The following MIPOL1 variants were observed in gnomAD, a reference collection of about 807,000 sequenced individuals.
MIPOL1 encodes the protein mirror-image polydactyly gene 1 protein.
A neutral mutation model predicts 60.9 loss-of-function variants in MIPOL1; 57 were observed. The observed-to-expected ratio is 0.94, with a 90% CI of 0.76 to 1.17. The LOEUF (loss-of-function observed/expected upper bound fraction) is 1.17. Ranked by LOEUF, MIPOL1 falls within the 50% of genes most tolerant of loss-of-function variation. The pLI is 0.00. For missense variants in MIPOL1, 551 were observed against 511.6 expected (o/e 1.08, Z -0.74); for synonymous variants, 179 against 168.8 (o/e 1.06, Z -0.47).
rs767398779 is a variant in MIPOL1, at chr14:37,267,179, C to T, written c.251+10C>T. On this transcript the variant is annotated intron_variant, in intron 4 of 12. Coordinates refer to ENST00000684589, the MANE Select transcript of MIPOL1 (RefSeq NM_001388067.1). ...CTACTGAAAAATACAAGTAAGTGCT[C>T]ACAGCCTTAGATTTAGAAGGAATTG... The T allele has an allele frequency of 1.3e-6, 2 of 1,592,112 alleles. No individual in the cohort carries two copies. The highest frequency in any genetic ancestry group is 1.1e-5 in the South Asian group (1 of 90,418).
intron 9 of MIPOL1, among the ~76,000 whole-genome samples, chr14:37,344,908 TG>T (rs1206057018): frequency 1.3e-5 from 2 of 151,216 alleles, no homozygotes; most frequent in African/African-American, 2.4e-5. Flanking sequence ...TGTGCTCCTG[TG>T]GTCCTAGCTA....
intron 11 of MIPOL1, among the ~76,000 whole-genome samples, chr14:37,442,522 T>C (rs28506888): frequency 1.3e-5 from 2 of 152,116 alleles, no homozygotes; most frequent in Non-Finnish European, 2.9e-5. Context: ...AGATGGCTCT[T>C]ATTATCTTGA....
At chr14:37,450,328 A>G (rs1282548556) in intron 11 of MIPOL1, among the ~76,000 whole-genome samples, 1 of 152,132 alleles carries the variant, frequency 6.6e-6, no homozygotes, top group East Asian at 1.9e-4. Flanking sequence ...CAGATTCTGT[A>G]TCTTCTATCT....
intron 10 of MIPOL1, among the ~76,000 whole-genome samples, chr14:37,384,021 G>T (rs924978219): frequency 1.3e-5 from 2 of 151,796 alleles, no homozygotes; most frequent in African/African-American, 4.8e-5. Context: ...ACAAAAGCAA[G>T]GAAATTAACT....
chr14:37,405,802 A>C (rs2153534201), intron 10 of MIPOL1, among the ~76,000 whole-genome samples: 1 of 152,048 alleles, frequency 6.6e-6, no homozygotes, highest in Admixed American at 6.5e-5. Flanking sequence ...GCTAGATATG[A>C]ATTAATGTGT....
intron 9 of MIPOL1, among the ~76,000 whole-genome samples, chr14:37,357,583 G>T (rs2091933500): frequency 6.6e-6 from 1 of 151,920 alleles, no homozygotes; most frequent in African/African-American, 2.4e-5. Flanking sequence ...TCAATTATTT[G>T]GTCTTTTTAA....
chr14:37,464,589 T>G (rs2094576814), intron 11 of MIPOL1, among the ~76,000 whole-genome samples: 1 of 151,944 alleles, frequency 6.6e-6, no homozygotes, highest in South Asian at 2.1e-4. Flanking sequence ...CAAAGTGGGG[T>G]AGGAGGAAGA....
intron 9 of MIPOL1, among the ~76,000 whole-genome samples, chr14:37,309,740 G>A (rs1233256573): frequency 6.6e-6 from 1 of 150,654 alleles, no homozygotes; most frequent in African/African-American, 2.4e-5. Flanking sequence ...AGGCTGGAGT[G>A]CAGTAGTGTG....
chr14:37,509,460 C>A (rs954156635), intron 12 of MIPOL1, among the ~76,000 whole-genome samples: 13 of 151,874 alleles, frequency 8.6e-5, no homozygotes, highest in Admixed American at 6.6e-4. Flanking sequence ...CATACTTCCC[C>A]CAAACTCAGC....
intron 12 of MIPOL1, among the ~76,000 whole-genome samples, chr14:37,510,786 C>G (rs1324837838): frequency 1.3e-5 from 2 of 152,052 alleles, no homozygotes; most frequent in East Asian, 3.9e-4. Context: ...TTCAGATATA[C>G]TCCCCTCTGC....
At chr14:37,406,467 C>T (rs1022082442) in intron 10 of MIPOL1, among the ~76,000 whole-genome samples, 2 of 152,002 alleles carry the variant, frequency 1.3e-5, no homozygotes, top group Admixed American at 6.6e-5. Flanking sequence ...GAAATGTTTA[C>T]GACTCAAGTG....
intron 1 of MIPOL1, among the ~76,000 whole-genome samples, chr14:37,234,629 C>G (rs531254010): frequency 1.3e-5 from 2 of 152,088 alleles, no homozygotes; most frequent in Admixed American, 1.3e-4. Context: ...GGCACCACAC[C>G]TGGACCCAAA....
At chr14:37,466,335 C>A (rs1001278456) in intron 11 of MIPOL1, among the ~76,000 whole-genome samples, 6 of 152,030 alleles carry the variant, frequency 3.9e-5, no homozygotes, top group African/African-American at 1.4e-4. Context: ...CTGATTTGTT[C>A]TTTTTCTGAG....
At chr14:37,415,189 C>T (rs1333199799) in intron 10 of MIPOL1, among the ~76,000 whole-genome samples, 1 of 152,102 alleles carries the variant, frequency 6.6e-6, no homozygotes, top group African/African-American at 2.4e-5. Flanking sequence ...AATGGACTAA[C>T]ATCCAAAAAC....
chr14:37,312,276 T>G (rs1207533705), intron 9 of MIPOL1, among the ~76,000 whole-genome samples: 1 of 151,906 alleles, frequency 6.6e-6, no homozygotes, highest in East Asian at 1.9e-4. Context: ...CCTGGCTAAT[T>G]TTTTGTACTT....
chr14:37,403,815 T>C (rs2093537297), intron 10 of MIPOL1, among the ~76,000 whole-genome samples: 1 of 152,190 alleles, frequency 6.6e-6, no homozygotes, highest in Non-Finnish European at 1.5e-5. Flanking sequence ...AAGCTGCTTG[T>C]GATGACCCAA....
intron 9 of MIPOL1, 128 bp downstream of exon 9, chr14:37,308,647 C>T (rs1022049307): frequency 1.2e-5 from 6 of 491,716 alleles, no homozygotes; most frequent in Non-Finnish European, 2.1e-5. Flanking sequence ...ATTAATACCA[C>T]AGTGATTAGC....
intron 11 of MIPOL1, among the ~76,000 whole-genome samples, chr14:37,492,789 C>G (rs1243705278): frequency 2.6e-5 from 4 of 152,100 alleles, no homozygotes; most frequent in Admixed American, 2.6e-4. Context: ...GGATAATTCT[C>G]TGTTGTAGGA....
intron 12 of MIPOL1, among the ~76,000 whole-genome samples, chr14:37,517,111 G>A (rs1242767832): frequency 8.5e-5 from 13 of 152,104 alleles, no homozygotes; most frequent in Admixed American, 8.5e-4. Flanking sequence ...AACTAGGTAT[G>A]TACAGATCAT....
Sources: gnomAD v4.1 joint callset for allele counts (sites outside exome capture counted in the v4.1 genomes callset) on GRCh38, gnomAD v4.1.1 for gene constraint, MANE v1.5 for transcripts, NCBI Gene and HGNC (gene_info 2026-07-23, HGNC 2026-07-21) for gene names.